Variants in ABCF2 observed in about 807,000 individuals in gnomAD.
ABCF2 encodes the protein ATP-binding cassette sub-family F member 2.
Under a neutral mutation model 76.9 loss-of-function variants are expected in ABCF2, and 37 were observed. That is an observed-to-expected ratio of 0.48 (90% CI 0.37 to 0.63). The LOEUF (loss-of-function observed/expected upper bound fraction) is 0.63. ABCF2 is among the 30% of genes least tolerant of loss of function. The pLI, the probability that ABCF2 is intolerant of heterozygous loss-of-function variation, is 0.00. For synonymous variants in ABCF2, 299 were observed against 283.7 expected (o/e 1.05, Z -0.54); for missense variants, 524 against 782.1 (o/e 0.67, Z 3.94).
Position 151,218,674 on chromosome 7 carries a change from T to A in ABCF2, c.1138-24A>T, listed in dbSNP as rs1315489116. 3.7e-6 allele frequency: 6 copies of A among 1,613,484 alleles called. No homozygotes were observed. The Admixed American group carries it at 1.0e-4, about 27-fold the overall frequency. ...GTCTAGGAAGAAAAGAGGGCATTTATCAAGTTGGCTCCTTTCTTATCCACC... is the reference window on the plus strand; with the variant it reads ...GTCTAGGAAGAAAAGAGGGCATTTAACAAGTTGGCTCCTTTCTTATCCACC... On this transcript the variant is annotated intron_variant, in intron 9 of 14. Transcript: ENST00000287844.
Position 151,216,011 on chromosome 7 carries a change from T to C in ABCF2, c.1357A>G (p.Met453Val). Reference sequence around the variant, plus strand: ...TTGACATGAGAGTGTTTTCGGATCATGCCATCTGTGGGTAGTAGCTAGGAA... The same window carrying C: ...TTGACATGAGAGTGTTTTCGGATCACGCCATCTGTGGGTAGTAGCTAGGAA... The part of the protein sequence containing the change: ...LTGELLPTDG[M>V]IRKHSHVKIG... The change falls in exon 12 of 15, where the codon ATG becomes GTG. Residue 453 changes from methionine to valine, a missense_variant. By Grantham distance (21) the Met-to-Val change is conservative. Coordinates refer to ENST00000287844, the MANE Select transcript of ABCF2 (RefSeq NM_007189.3). 2 of 1,614,170 alleles carry C rather than the reference T, an allele frequency of 1.2e-6. No individual in the cohort carries two copies. The highest frequency in any genetic ancestry group is 1.7e-6 in the Non-Finnish European group (2 of 1,180,018).
At chr7:151,218,903 T>A in intron 8 of ABCF2, 30 bp from the exon 9 acceptor site, 1 of 1,612,322 alleles carries the variant, frequency 6.2e-7, no homozygotes, top group Non-Finnish European at 8.5e-7. Context: ...GCTTGGAGTA[T>A]GTGCAGGCGC....
At chr7:151,218,677 A>G in intron 9 of ABCF2, 27 bp from the exon 10 acceptor site, 1 of 1,613,760 alleles carries the variant, frequency 6.2e-7, no homozygotes, top group South Asian at 1.1e-5. Flanking sequence ...GCATTTATCA[A>G]GTTGGCTCCT....
intron 11 of ABCF2, among the ~76,000 whole-genome samples, chr7:151,216,479 G>A (rs1802153033): frequency 1.3e-5 from 2 of 152,170 alleles, no homozygotes; most frequent in Admixed American, 1.3e-4. Flanking sequence ...GGTTCCTGCA[G>A]CATTTTTGGT....
chr7:151,215,090 G>C lies in ABCF2; in HGVS notation c.1531-8C>G. 1 of 1,610,062 alleles carries C rather than the reference G, an allele frequency of 6.2e-7. No homozygotes were observed. Among genetic ancestry groups the C allele is most frequent in the Non-Finnish European group, 8.5e-7 (1 of 1,177,942 alleles). On this transcript the variant is annotated splice_polypyrimidine_tract_variant and splice_region_variant and intron_variant, in intron 13 of 14. Transcript: ENST00000287844. The surrounding 1 kb of genome is among the most constrained non-coding windows in gnomAD (Gnocchi z 4.6). ...GTTCCGGATTGGGCTCACCTGAGTA[G>C]AACCGTGACCTACATATAACTTGGC...
rs7811385 is a variant in ABCF2, at chr7:151,222,621, A to G, written c.723-5T>C. On this transcript the variant is annotated splice_region_variant and splice_polypyrimidine_tract_variant and intron_variant, in intron 5 of 14. Coordinates refer to ENST00000287844, the MANE Select transcript of ABCF2 (RefSeq NM_007189.3). Reference sequence around the variant, plus strand: ...AAGGGCCGAATAAAGAGGGCTCTGAAGGACGGTAAAGGAGACAGAAGCACC... The same window carrying G: ...AAGGGCCGAATAAAGAGGGCTCTGAGGGACGGTAAAGGAGACAGAAGCACC... 6,450 of 1,611,610 alleles carry G rather than the reference A, an allele frequency of 4.0e-3. 226 individuals carry two copies. The African/African-American group carries it at 0.075, about 19-fold the overall frequency.
At position 151,221,564 on chromosome 7, in the gene ABCF2, C is replaced by T. The variant is rs766768203; in HGVS notation, c.921+14G>A. 32 of 1,493,496 alleles carry T rather than the reference C, an allele frequency of 2.1e-5. No homozygotes were observed. Among genetic ancestry groups the T allele is most frequent in the East Asian group, 4.5e-5 (2 of 44,184 alleles). 92.5% of individuals were successfully genotyped at this position (1,493,496 alleles called of 1,614,324 possible). A position where few individuals can be genotyped will look rare whatever the true frequency, so the allele number is the denominator to read the frequency against. On this transcript the variant is annotated intron_variant, in intron 7 of 14. Coordinates refer to ENST00000287844, the MANE Select transcript of ABCF2 (RefSeq NM_007189.3). ...ATGCACAGAGATTACCAGAAGAAGC[C>T]GAGGCCCACTCACCGTATAATACTT...
chr7:151,224,187 C>T, intron 3 of ABCF2, 73 bp from the exon 4 acceptor site: 3 of 1,495,442 alleles, frequency 2.0e-6, no homozygotes, highest in Non-Finnish European at 2.7e-6. Flanking sequence ...TTCTTCCACC[C>T]CAGTCAAACT....
At chr7:151,226,589 A>G (rs938396022) in intron 1 of ABCF2, 89 bp from the exon 2 acceptor site, 19 of 1,013,616 alleles carry the variant, frequency 1.9e-5, no homozygotes, top group Non-Finnish European at 2.4e-5. Flanking sequence ...GAATCTTCGT[A>G]TCAACATCAA....
rs1262924937 is a variant in ABCF2 at position 151,214,147 on chromosome 7, C to T, written c.1779G>A (p.Lys593=). The T allele has an allele frequency of 6.2e-7, 1 of 1,614,176 alleles. No homozygotes were observed. The change falls in exon 15 of 15, where the codon AAG becomes AAA. Residue 593 remains lysine, a synonymous_variant. Transcript: ENST00000287844. The surrounding 1 kb of genome is among the most constrained non-coding windows in gnomAD (Gnocchi z 4.9). ...IWVCEKQTIT[K]WPGDILAYKE... is the part of the protein sequence containing the mutation. Reference sequence around the variant, plus strand: ...TGTAAGCCAGGATGTCTCCAGGCCACTTGGTGATTGTCTGCTTCTCACAGA... The same window carrying T: ...TGTAAGCCAGGATGTCTCCAGGCCATTTGGTGATTGTCTGCTTCTCACAGA...
chr7:151,218,909 G>A (rs753724963), intron 8 of ABCF2, 36 bp from the exon 9 acceptor site: 10 of 1,611,412 alleles, frequency 6.2e-6, no homozygotes, highest in Non-Finnish European at 5.1e-6. Context: ...AGTATGTGCA[G>A]GCGCTCAACA....
rs1802134426 is a variant in ABCF2 at position 151,215,607 on chromosome 7, T to C, written c.1527A>G (p.Gln509=). The C allele has an allele frequency of 5.6e-6, 9 of 1,613,984 alleles. No individual in the cohort carries two copies. Among genetic ancestry groups the C allele is most frequent in the Non-Finnish European group, 7.6e-6 (9 of 1,180,002 alleles). The change falls in exon 13 of 15, where the codon CAA becomes CAG. Residue 509 remains glutamine (Q), a synonymous_variant. Transcript: ENST00000287844. This position sits in a 1 kb window ranked among gnomAD's most constrained non-coding sequence, Gnocchi z 4.6. ...CACCACACCCTCCTTTACTGACCTG[T>C]TGTTTCCCAGTGAGACCGTATCGCC... The part of the protein sequence containing the change: ...IIGRYGLTGK[Q]QVSPIRNLSD...
At position 151,218,460 on chromosome 7, in the gene ABCF2, T is replaced by C. The variant is rs190657410; in HGVS notation, c.1227+101A>G. 5.9e-4 allele frequency: 629 copies of C among 1,066,642 alleles called. 1 individual carries two copies. The highest frequency in any genetic ancestry group is 9.7e-4 in the Admixed American group (47 of 48,504). The allele number at this position is 1,066,642 out of a possible 1,614,324, so 66.1% of individuals were successfully genotyped here. A position where few individuals can be genotyped will look rare whatever the true frequency, so the allele number is the denominator to read the frequency against. ...ACACCTGAAAATCCCCCAGAGCACGTGGGCTAGCAGGTGTGGTCAGCACAG... is the reference window on the plus strand; with the variant it reads ...ACACCTGAAAATCCCCCAGAGCACGCGGGCTAGCAGGTGTGGTCAGCACAG... On this transcript the variant is annotated intron_variant, in intron 10 of 14. Transcript: ENST00000287844.
Position 151,213,721 on chromosome 7 carries a change from C to G in ABCF2, c.*333G>C. ...GAGGATCCTAAGCTCCTCCGCAGGC[C>G]AAATCCAGGGCTTGGGCCCCTGGGC... On this transcript the variant is annotated 3_prime_UTR_variant, in exon 15 of 15. Coordinates refer to ENST00000287844, the MANE Select transcript of ABCF2 (RefSeq NM_007189.3). 9.1e-7 allele frequency: 1 copy of G among 1,098,120 alleles called. No individual in the cohort carries two copies. The highest frequency in any genetic ancestry group is 1.1e-6 in the Non-Finnish European group (1 of 903,596). 68.0% of individuals were successfully genotyped at this position (1,098,120 alleles called of 1,614,324 possible).
At position 151,214,890 on chromosome 7, in the gene ABCF2, G is replaced by A. The variant is rs1157722742; in HGVS notation, c.1723C>T (p.Leu575Phe). ...GGCCAGGGCCTCACCTGCTGAATGA[G>A]TCTGAAGTCATGGCTGACCAGCATC... is the stretch of plus-strand genomic sequence containing the variant. The part of the protein sequence containing the change: ...GMMLVSHDFR[L>F]IQQVAQEIWV... Residue 575 changes from leucine (L) to phenylalanine (F), a missense_variant, in exon 14 of 15, where the codon CTC becomes TTC. This residue lies in a region of ABCF2 where 194 missense variants were observed against 348.6 expected (regional missense o/e 0.56). Coordinates refer to ENST00000287844, the MANE Select transcript of ABCF2 (RefSeq NM_007189.3). The surrounding 1 kb of genome is among the most constrained non-coding windows in gnomAD (Gnocchi z 4.9). 1 of 1,614,194 alleles carries A rather than the reference G, an allele frequency of 6.2e-7. No homozygotes were observed. Among genetic ancestry groups the A allele is most frequent in the Non-Finnish European group, 8.5e-7 (1 of 1,180,040 alleles).
chr7:151,213,657 T>TG lies in ABCF2; in HGVS notation c.*396dup. On this transcript the variant is annotated 3_prime_UTR_variant, in exon 15 of 15. Coordinates refer to ENST00000287844, the MANE Select transcript of ABCF2 (RefSeq NM_007189.3). ...GCAAAAAGGAATCGGGGCGGTGGGCTGGGGGGTACTCCTCCAACATCACCA... is the reference window on the plus strand; with the variant it reads ...GCAAAAAGGAATCGGGGCGGTGGGCTGGGGGGGTACTCCTCCAACATCACCA... 3.0e-6 allele frequency: 3 copies of TG among 1,009,366 alleles called. No individual in the cohort carries two copies. In the South Asian group the frequency reaches 1.3e-4, roughly 44 times the overall value. 62.5% of individuals were successfully genotyped at this position (1,009,366 alleles called of 1,614,324 possible). A position where few individuals can be genotyped will look rare whatever the true frequency, so the allele number is the denominator to read the frequency against.
chr7:151,221,366 AT>A (rs957364050), intron 7 of ABCF2, among the ~76,000 whole-genome samples: 22 of 151,796 alleles, frequency 1.4e-4, no homozygotes, highest in African/African-American at 5.3e-4. Context: ...CGCCTGGCTA[AT>A]TTTTTTGTAT....
intron 7 of ABCF2, among the ~76,000 whole-genome samples, chr7:151,220,138 T>C (rs909919838): frequency 2.0e-5 from 3 of 151,396 alleles, no homozygotes; most frequent in African/African-American, 7.3e-5. Context: ...ACGCCTGTAA[T>C]CCCAGCACTT....
In ABCF2 at chr7:151,213,619, C is replaced by T; in HGVS notation, c.*435G>A. On this transcript the variant is annotated 3_prime_UTR_variant, in exon 15 of 15. Transcript: ENST00000287844. ...CCAGGACGAAGGTCCTGGTCCGGAG[C>T]TCCAAACCAGAAGCAAAAAGGAATC... The T allele has an allele frequency of 1.0e-6, 1 of 995,866 alleles. No homozygotes were observed. Among genetic ancestry groups the T allele is most frequent in the Non-Finnish European group, 1.2e-6 (1 of 837,590 alleles). The allele number at this position is 995,866 out of a possible 1,614,324, so 61.7% of individuals were successfully genotyped here.
Sources: allele counts gnomAD v4.1 joint callset (sites outside exome capture counted in the v4.1 genomes callset), GRCh38; gene constraint gnomAD v4.1.1; regional missense constraint gnomAD v4.1.1; non-coding constraint Gnocchi (gnomAD v3.1); transcripts MANE v1.5; gene names NCBI Gene and HGNC (gene_info 2026-07-23, HGNC 2026-07-21).